Variants in NKAIN2 observed in about 807,000 individuals in gnomAD.
The protein encoded by NKAIN2 is sodium/potassium transporting ATPase interacting 2.
NKAIN2 carries 14 observed loss-of-function variants against 32.6 expected under a neutral mutation model. The ratio of observed to expected loss-of-function variants is 0.43; its 90% CI spans 0.28 to 0.67. NKAIN2 has a LOEUF of 0.67. Among genes scored for constraint, NKAIN2 ranks in the 30% least tolerant of loss-of-function variants. NKAIN2 has a pLI of 0.17. For missense variants in NKAIN2, 198 were observed against 258.3 expected (o/e 0.77, Z 1.60); for synonymous variants, 80 against 87.2 (o/e 0.92, Z 0.46).
intron 4 of NKAIN2, among the ~76,000 whole-genome samples, chr6:124,745,570 G>C (rs1415765): frequency 0.39 from 59,313 of 151,656 alleles, 12,392 homozygotes; most frequent in Non-Finnish European, 0.48. Context: ...AGAGGTCCAA[G>C]TTATTTTACA....
chr6:124,109,711 T>G (rs13202550), intron 1 of NKAIN2, among the ~76,000 whole-genome samples: 1 of 152,194 alleles, frequency 6.6e-6, no homozygotes, highest in South Asian at 2.1e-4. Flanking sequence ...CTTTCTGTTC[T>G]TGTTAAGTCT....
chr6:124,646,423 A>C (rs1478312442), intron 3 of NKAIN2, among the ~76,000 whole-genome samples: 1 of 152,184 alleles, frequency 6.6e-6, no homozygotes, highest in East Asian at 1.9e-4. Context: ...TCAGTCCTGG[A>C]AGTCAACTGT....
intron 4 of NKAIN2, among the ~76,000 whole-genome samples, chr6:124,697,297 ATGTCT>A (rs1774543570): frequency 6.6e-6 from 1 of 152,160 alleles, no homozygotes; most frequent in Admixed American, 6.5e-5. Flanking sequence ...GAAGGAAAAG[ATGTCT>A]TGTGTTGAAA....
At chr6:124,469,620 A>G (rs1197111391) in intron 3 of NKAIN2, among the ~76,000 whole-genome samples, 1 of 152,156 alleles carries the variant, frequency 6.6e-6, no homozygotes, top group Non-Finnish European at 1.5e-5. Flanking sequence ...GAATGCATTT[A>G]AACTGGAACT....
intron 1 of NKAIN2, among the ~76,000 whole-genome samples, chr6:124,081,075 T>C (rs931248442): frequency 8.6e-5 from 13 of 151,942 alleles, no homozygotes; most frequent in Non-Finnish European, 8.8e-5. Context: ...TAAAAAAGAG[T>C]CGTTTAATCC....
At chr6:123,932,268 T>C (rs1325968705) in intron 1 of NKAIN2, among the ~76,000 whole-genome samples, 3 of 152,164 alleles carry the variant, frequency 2.0e-5, no homozygotes, top group Admixed American at 6.5e-5. Context: ...AGACCCTCAA[T>C]GTCCATAATG....
At chr6:124,340,955 A>G in intron 2 of NKAIN2, among the ~76,000 whole-genome samples, 1 of 152,234 alleles carries the variant, frequency 6.6e-6, no homozygotes. Flanking sequence ...ATTATTTTTC[A>G]CTTTTTACTT....
At chr6:124,452,494 A>T (rs1776151177) in intron 3 of NKAIN2, among the ~76,000 whole-genome samples, 1 of 152,138 alleles carries the variant, frequency 6.6e-6, no homozygotes, top group African/African-American at 2.4e-5. Flanking sequence ...ATAATTTATA[A>T]ATGAATGCTT....
intron 1 of NKAIN2, among the ~76,000 whole-genome samples, chr6:123,833,265 T>C (rs983520998): frequency 1.3e-5 from 2 of 152,180 alleles, no homozygotes; most frequent in African/African-American, 4.8e-5. Flanking sequence ...TCTGTGTAGG[T>C]CTTTCTGTGC....
intron 3 of NKAIN2, among the ~76,000 whole-genome samples, chr6:124,459,144 G>A (rs1381406640): frequency 2.0e-5 from 3 of 151,680 alleles, no homozygotes; most frequent in Non-Finnish European, 4.4e-5. Flanking sequence ...CCACTTTCTG[G>A]CCCACTGAGG....
rs149831645 is a variant in NKAIN2 at position 124,413,897 on chromosome 6, A to G, written c.273+58550A>G. On this transcript the variant is annotated intron_variant, in intron 3 of 6. Coordinates refer to ENST00000368417, the MANE Select transcript of NKAIN2 (RefSeq NM_001040214.3). ...TGACATTGTAATTTATGAACATACTAAACTCATTTATTAGATCCAGAAGCA... is the reference window on the plus strand; with the variant it reads ...TGACATTGTAATTTATGAACATACTGAACTCATTTATTAGATCCAGAAGCA... Among the ~76,000 whole-genome samples, 71 of 152,270 alleles carry G rather than the reference A, an allele frequency of 4.7e-4. 1 individual carries two copies. Among genetic ancestry groups the G allele is most frequent in the East Asian group, 3.7e-3 (19 of 5,174 alleles).
At chr6:124,106,292 G>A (rs961413176) in intron 1 of NKAIN2, among the ~76,000 whole-genome samples, 2 of 152,036 alleles carry the variant, frequency 1.3e-5, no homozygotes, top group African/African-American at 2.4e-5. Flanking sequence ...AATTGATGAC[G>A]TGACAACCTG....
chr6:124,755,082 T>G (rs887212076), intron 4 of NKAIN2, among the ~76,000 whole-genome samples: 1 of 152,132 alleles, frequency 6.6e-6, no homozygotes, highest in Non-Finnish European at 1.5e-5. Flanking sequence ...AAGCCAGTAG[T>G]GGCTCAGTCC....
intron 3 of NKAIN2, among the ~76,000 whole-genome samples, chr6:124,467,903 G>A (rs1776826844): frequency 6.6e-6 from 1 of 151,966 alleles, no homozygotes; most frequent in Non-Finnish European, 1.5e-5. Flanking sequence ...CTACTAGTTG[G>A]TGGCCTTAGA....
At chr6:124,073,868 G>C (rs916566020) in intron 1 of NKAIN2, among the ~76,000 whole-genome samples, 4 of 151,928 alleles carry the variant, frequency 2.6e-5, no homozygotes, top group African/African-American at 9.7e-5. Flanking sequence ...AACAATTGGG[G>C]GTTCTTAGTT....
intron 3 of NKAIN2, among the ~76,000 whole-genome samples, chr6:124,449,080 C>A (rs1776002428): frequency 6.6e-6 from 1 of 152,056 alleles, no homozygotes; most frequent in Non-Finnish European, 1.5e-5. Flanking sequence ...ATAGAGAATT[C>A]TCTTAATGAA....
chr6:124,264,365 C>T (rs1207242482), intron 1 of NKAIN2, among the ~76,000 whole-genome samples: 4 of 151,962 alleles, frequency 2.6e-5, no homozygotes, highest in Non-Finnish European at 4.4e-5. Context: ...AAACATTACC[C>T]GGATGGTATG....
chr6:124,309,050 G>T (rs1796618182), intron 2 of NKAIN2, among the ~76,000 whole-genome samples: 1 of 152,044 alleles, frequency 6.6e-6, no homozygotes. Flanking sequence ...TTTTACCTTT[G>T]AAATTTGACT....
At chr6:124,208,142 A>AT (rs1333411011) in intron 1 of NKAIN2, among the ~76,000 whole-genome samples, 125 of 151,958 alleles carry the variant, frequency 8.2e-4, no homozygotes, top group African/African-American at 2.9e-3. Context: ...ACTTGATTCA[A>AT]ATTCTGGCTC....
Sources: allele counts gnomAD v4.1 joint callset (sites outside exome capture counted in the v4.1 genomes callset), GRCh38; gene constraint gnomAD v4.1.1; transcripts MANE v1.5; gene names NCBI Gene and HGNC (gene_info 2026-07-23, HGNC 2026-07-21).